Variants in GABRG3 observed in about 807,000 individuals in gnomAD.
GABRG3 encodes gamma-aminobutyric acid type A receptor subunit gamma3.
In GABRG3, 25 loss-of-function variants were observed where a neutral mutation model predicts 48.8. That is an observed-to-expected ratio of 0.51 (90% CI 0.37 to 0.72). The LOEUF (loss-of-function observed/expected upper bound fraction) is 0.72. GABRG3 is among the 30% of genes least tolerant of loss of function. GABRG3 has a pLI of 0.00. For synonymous variants in GABRG3, 227 were observed against 217.6 expected (o/e 1.04, Z -0.38); for missense variants, 394 against 577.9 (o/e 0.68, Z 3.26).
chr15:27,098,037 A>G (rs1175403058), intron 3 of GABRG3, among the ~76,000 whole-genome samples: 1 of 152,054 alleles, frequency 6.6e-6, no homozygotes, highest in Non-Finnish European at 1.5e-5. Context: ...ACACACAGAA[A>G]GAGTTAGGCC....
At chr15:27,023,689 A>AT (rs915839861) in intron 2 of GABRG3, among the ~76,000 whole-genome samples, 1 of 152,166 alleles carries the variant, frequency 6.6e-6, no homozygotes, top group African/African-American at 2.4e-5. Context: ...TGTATACTAC[A>AT]TTTTTTAAAT....
At chr15:26,996,684 C>T (rs1309587703) in intron 2 of GABRG3, among the ~76,000 whole-genome samples, 1 of 151,568 alleles carries the variant, frequency 6.6e-6, no homozygotes, top group Non-Finnish European at 1.5e-5. Flanking sequence ...GAGTCTTGCT[C>T]AGTCACCCAG....
chr15:27,530,603 T>C (rs905461013), intron 9 of GABRG3: 2 of 470,976 alleles, frequency 4.2e-6, no homozygotes, highest in African/African-American at 4.0e-5. Flanking sequence ...TGGAGGTTTC[T>C]CTTGCTCCAG....
chr15:27,293,279 A>C (rs556822851), intron 3 of GABRG3, among the ~76,000 whole-genome samples: 2 of 152,194 alleles, frequency 1.3e-5, no homozygotes, highest in Non-Finnish European at 2.9e-5. Context: ...ATCTGAATGG[A>C]ATTGCAACAT....
At chr15:27,201,815 G>A (rs1044759446) in intron 3 of GABRG3, among the ~76,000 whole-genome samples, 2 of 152,128 alleles carry the variant, frequency 1.3e-5, no homozygotes, top group African/African-American at 4.8e-5. Flanking sequence ...AGATAAAAAT[G>A]CGACATTATG....
chr15:27,161,273 A>G (rs565166571), intron 3 of GABRG3: 4 of 152,332 alleles, frequency 2.6e-5, no homozygotes. Context: ...GGTTTCTGGA[A>G]GAAGACAAGA....
chr15:27,164,268 G>T (rs566830118), intron 3 of GABRG3, among the ~76,000 whole-genome samples: 1 of 152,192 alleles, frequency 6.6e-6, no homozygotes, highest in African/African-American at 2.4e-5. Context: ...TTGAAAATAA[G>T]TTGCAGACAT....
Position 27,447,356 on chromosome 15 carries a change from C to T in GABRG3, c.575-33294C>T, listed in dbSNP as rs145774131. On this transcript the variant is annotated intron_variant, in intron 5 of 9. Coordinates refer to ENST00000615808, the MANE Select transcript of GABRG3 (RefSeq NM_033223.5). This position sits in a 1 kb window ranked among gnomAD's most constrained non-coding sequence, Gnocchi z 4.0. ...GACATACTCACAGGCCTGGTGGCCT[C>T]GCTTAGCAAGGGGACATTTATGCTA... 1.8e-3 allele frequency among the ~76,000 whole-genome samples: 281 copies of T among 152,220 alleles called. 4 individuals are homozygous for T. The East Asian group carries it at 0.025, about 13-fold the overall frequency.
At chr15:27,308,968 TAATGTA>T (rs1892885519) in intron 3 of GABRG3, among the ~76,000 whole-genome samples, 2 of 150,478 alleles carry the variant, frequency 1.3e-5, no homozygotes. Flanking sequence ...TGAAAACACA[TAATGTA>T]AACATGTTTA....
intron 3 of GABRG3, among the ~76,000 whole-genome samples, chr15:27,128,281 G>A (rs1315061811): frequency 2.0e-5 from 3 of 152,204 alleles, no homozygotes; most frequent in African/African-American, 7.2e-5. Flanking sequence ...CTGCTGTGGT[G>A]CTGTGTGTTG....
intron 5 of GABRG3, among the ~76,000 whole-genome samples, chr15:27,337,589 C>T (rs76289692): frequency 1.3e-5 from 2 of 152,136 alleles, no homozygotes; most frequent in Non-Finnish European, 2.9e-5. Flanking sequence ...CTGAGACCCA[C>T]GCAGAGGTCT....
chr15:27,211,335 G>C (rs183326554), intron 3 of GABRG3, among the ~76,000 whole-genome samples: 2 of 152,258 alleles, frequency 1.3e-5, no homozygotes, highest in Admixed American at 6.5e-5. Context: ...ATTTACAATG[G>C]AATCAACAAG....
At position 27,307,222 on chromosome 15, in the gene GABRG3, C is replaced by A. The variant is rs554232384; in HGVS notation, c.271-19587C>A. Among the ~76,000 whole-genome samples, 835 of 129,850 alleles carry A rather than the reference C, an allele frequency of 6.4e-3. 6 individuals carry two copies. Among genetic ancestry groups the A allele is most frequent in the Non-Finnish European group, 9.8e-3 (609 of 62,208 alleles). 85.2% of individuals were successfully genotyped at this position (129,850 alleles called of 152,430 possible). ...TAATACAAACATGTTTATATATAAC[C>A]ATGTTTATATTATATGTTTATATAT... On this transcript the variant is annotated intron_variant, in intron 3 of 9. Transcript: ENST00000615808.
chr15:27,147,664 A>G (rs1457610812), intron 3 of GABRG3, among the ~76,000 whole-genome samples: 1 of 152,062 alleles, frequency 6.6e-6, no homozygotes, highest in African/African-American at 2.4e-5. Flanking sequence ...AATCAACAAC[A>G]GAAAGAAATT....
chr15:27,293,333 C>T (rs1891856576), intron 3 of GABRG3, among the ~76,000 whole-genome samples: 1 of 152,080 alleles, frequency 6.6e-6, no homozygotes, highest in Non-Finnish European at 1.5e-5. Flanking sequence ...ATAATTGATG[C>T]AGCTGTGTTT....
At chr15:27,273,801 A>T (rs1311574950) in intron 3 of GABRG3, among the ~76,000 whole-genome samples, 1 of 152,174 alleles carries the variant, frequency 6.6e-6, no homozygotes, top group Non-Finnish European at 1.5e-5. Context: ...AGACTTTCTT[A>T]TCTGGTATAT....
At chr15:27,063,303 C>T (rs1292241159) in intron 3 of GABRG3, among the ~76,000 whole-genome samples, 1 of 152,170 alleles carries the variant, frequency 6.6e-6, no homozygotes, top group Admixed American at 6.5e-5. Context: ...CTTTGGCAAA[C>T]CTTGTGGAGT....
chr15:27,159,005 A>T (rs549655951), intron 3 of GABRG3, among the ~76,000 whole-genome samples: 1 of 152,306 alleles, frequency 6.6e-6, no homozygotes, highest in African/African-American at 2.4e-5. Flanking sequence ...TCAGGAAGTC[A>T]TGTACAGTGT....
intron 3 of GABRG3, among the ~76,000 whole-genome samples, chr15:27,074,661 G>C (rs1896882637): frequency 6.7e-6 from 1 of 149,164 alleles, no homozygotes; most frequent in African/African-American, 2.5e-5. Flanking sequence ...TTTTTTACAA[G>C]ATTGAAGCAA....
Sources: allele counts gnomAD v4.1 joint callset (sites outside exome capture counted in the v4.1 genomes callset), GRCh38; gene constraint gnomAD v4.1.1; non-coding constraint Gnocchi (gnomAD v3.1); transcripts MANE v1.5; gene names NCBI Gene and HGNC (gene_info 2026-07-23, HGNC 2026-07-21).